FOXN3: variants seen among roughly 807,000 people sequenced by gnomAD.
The protein encoded by FOXN3 is forkhead box protein N3.
In FOXN3, 7 loss-of-function variants were observed where a neutral mutation model predicts 38.4. The observed-to-expected ratio is 0.18, with a 90% CI of 0.10 to 0.34. The LOEUF is 0.34. Ranked by LOEUF, FOXN3 falls within the 10% of genes least tolerant of loss-of-function variation. The probability of loss-of-function intolerance (pLI) is 1.00; values close to 1 mark genes in which losing one functional copy is unlikely to be tolerated. For missense variants in FOXN3, 456 were observed against 613.4 expected (o/e 0.74, Z 2.71); for synonymous variants, 230 against 242.2 (o/e 0.95, Z 0.47).
chr14:89,542,655 C>T (rs1158041110), intron 1 of FOXN3, among the ~76,000 whole-genome samples: 1 of 152,214 alleles, frequency 6.6e-6, no homozygotes, highest in African/African-American at 2.4e-5. Flanking sequence ...GGAGCAACCC[C>T]TTCCTTGTCT....
At chr14:89,406,594 T>C (rs1891395093) in intron 2 of FOXN3, among the ~76,000 whole-genome samples, 1 of 151,900 alleles carries the variant, frequency 6.6e-6, no homozygotes, top group African/African-American at 2.4e-5. Context: ...CTTCATAGGG[T>C]TTAGTGAGGA....
intron 4 of FOXN3, among the ~76,000 whole-genome samples, chr14:89,267,260 G>A (rs1886012914): frequency 6.6e-6 from 1 of 152,180 alleles, no homozygotes; most frequent in Non-Finnish European, 1.5e-5. Flanking sequence ...TATAAGGAAG[G>A]GCTGGGAACT....
chr14:89,187,263 C>T (rs927875201), intron 4 of FOXN3, among the ~76,000 whole-genome samples: 1 of 152,218 alleles, frequency 6.6e-6, no homozygotes, highest in Admixed American at 6.5e-5. Context: ...TAGCACCGCA[C>T]GAGGAAGCTC....
chr14:89,563,978 T>C lies in FOXN3; in HGVS notation c.-15+55050A>G, dbSNP rs367646963. 2.8e-3 allele frequency among the ~76,000 whole-genome samples: 424 copies of C among 152,248 alleles called. 2 individuals are homozygous for C. The highest frequency in any genetic ancestry group is 9.8e-3 in the African/African-American group (406 of 41,536). ...AATTCTCCTGCCTCAGTCTCCCAAA[T>C]AGCTGGGATTACAGGCGCCTGCCAC... On this transcript the variant is annotated intron_variant, in intron 1 of 6. Coordinates refer to the FOXN3 transcript ENST00000345097.
chr14:89,433,121 G>T (rs111329380), intron 1 of FOXN3, among the ~76,000 whole-genome samples: 2,226 of 152,256 alleles, frequency 0.015, 54 homozygotes, highest in African/African-American at 0.048. Flanking sequence ...GGCCGAGGCG[G>T]GGTGAGTCAC....
At chr14:89,592,841 C>T (rs894492416) in intron 1 of FOXN3, among the ~76,000 whole-genome samples, 7 of 152,118 alleles carry the variant, frequency 4.6e-5, no homozygotes, top group African/African-American at 1.7e-4. Flanking sequence ...AGTCCCTGCA[C>T]AAAAGCTGGG....
chr14:89,511,212 TTTCTTTCTTTCTTTCTTTTCTTTCC>T (rs1894069162), intron 1 of FOXN3, among the ~76,000 whole-genome samples: 1 of 26,592 alleles, frequency 3.8e-5, no homozygotes, highest in African/African-American at 9.0e-5. Flanking sequence ...CTTTTCTTTC[TTTCTTTCTTTCTTTCTTTTCTTTCC>T]TTTTCTTTCT....
At chr14:89,322,526 G>A (rs540140522) in intron 3 of FOXN3, among the ~76,000 whole-genome samples, 13 of 152,282 alleles carry the variant, frequency 8.5e-5, no homozygotes, top group African/African-American at 2.6e-4. Flanking sequence ...TTCTTGTCTG[G>A]AGGGGGCTGC....
At chr14:89,435,563 C>G (rs1215121837) in intron 1 of FOXN3, among the ~76,000 whole-genome samples, 1 of 152,152 alleles carries the variant, frequency 6.6e-6, no homozygotes, top group Non-Finnish European at 1.5e-5. Context: ...CATTCGTTCC[C>G]TCACAAACCA....
chr14:89,342,768 C>T (rs926148979), intron 3 of FOXN3, among the ~76,000 whole-genome samples: 4 of 152,130 alleles, frequency 2.6e-5, no homozygotes, highest in African/African-American at 9.7e-5. Flanking sequence ...ATTTAATATT[C>T]TTTCAAAAAT....
chr14:89,397,764 C>T (rs1292984122), intron 2 of FOXN3, among the ~76,000 whole-genome samples: 2 of 152,232 alleles, frequency 1.3e-5, no homozygotes, highest in Non-Finnish European at 2.9e-5. Flanking sequence ...TAGCAAGCCA[C>T]TGAACCTCTC....
At chr14:89,288,704 CTCTCTCTCTCTCTCTCTCTCTATATA>C (rs1886736993) in intron 3 of FOXN3, among the ~76,000 whole-genome samples, 6 of 93,850 alleles carry the variant, frequency 6.4e-5, no homozygotes, top group Admixed American at 2.4e-4. Flanking sequence ...CTCTCTCTCT[CTCTCTCTCTCTCTCTCTCTCTATATA>C]TATATATATA....
At chr14:89,580,282 G>A (rs559864919) in intron 1 of FOXN3, among the ~76,000 whole-genome samples, 2 of 152,298 alleles carry the variant, frequency 1.3e-5, no homozygotes, top group African/African-American at 2.4e-5. Context: ...CATGTTAGGA[G>A]GAATAATTTC....
chr14:89,214,266 C>T (rs1884193448), intron 4 of FOXN3, among the ~76,000 whole-genome samples: 1 of 152,222 alleles, frequency 6.6e-6, no homozygotes, highest in African/African-American at 2.4e-5. Flanking sequence ...CCGTCATCCT[C>T]AGCTCCACCC....
At chr14:89,292,590 C>T (rs1349063036) in intron 3 of FOXN3, among the ~76,000 whole-genome samples, 4 of 152,142 alleles carry the variant, frequency 2.6e-5, no homozygotes, top group African/African-American at 9.7e-5. Context: ...AGGGAGCCAC[C>T]CCCCTTTTCT....
At chr14:89,464,437 A>C (rs1892927910) in intron 1 of FOXN3, among the ~76,000 whole-genome samples, 1 of 152,174 alleles carries the variant, frequency 6.6e-6, no homozygotes, top group Non-Finnish European at 1.5e-5. Context: ...CTATCTTTTC[A>C]GCAACAGCAG....
rs1895678516 is a variant in FOXN3, at chr14:89,578,458, A to T, written c.-15+40570T>A. ...ACATGCTAATAACTCAAATTCCATG[A>T]CTCTCCCCCTGAGCTCCAGATGGGT... On this transcript the variant is annotated intron_variant, in intron 1 of 6. Transcript: ENST00000345097. Among the ~76,000 whole-genome samples, 3 of 151,446 alleles carry T rather than the reference A, an allele frequency of 2.0e-5. No homozygotes were observed. The South Asian group carries it at 6.3e-4, about 32-fold the overall frequency.
intron 4 of FOXN3, among the ~76,000 whole-genome samples, chr14:89,257,401 G>A (rs1885657496): frequency 6.6e-6 from 1 of 152,208 alleles, no homozygotes; most frequent in Non-Finnish European, 1.5e-5. Context: ...CCACGAAGTT[G>A]GGCTGAAACA....
intron 4 of FOXN3, among the ~76,000 whole-genome samples, chr14:89,266,757 CGA>C (rs982323514): frequency 6.6e-6 from 1 of 152,126 alleles, no homozygotes; most frequent in Non-Finnish European, 1.5e-5. Flanking sequence ...GCTGCTTATA[CGA>C]GAGGCTGCTG....
Sources: allele counts gnomAD v4.1 joint callset (sites outside exome capture counted in the v4.1 genomes callset), GRCh38; gene constraint gnomAD v4.1.1; transcripts MANE v1.5; gene names NCBI Gene and HGNC (gene_info 2026-07-23, HGNC 2026-07-21).